IGFBP2: variants seen among roughly 807,000 people sequenced by gnomAD.
IGFBP2 encodes the protein insulin like growth factor binding protein 2, also known as insulin-like growth factor-binding protein 2.
Under a neutral mutation model 26.2 loss-of-function variants are expected in IGFBP2, and 12 were observed. That is an observed-to-expected ratio of 0.46 (90% confidence interval 0.29 to 0.74). IGFBP2 has a LOEUF of 0.74. Ranked by LOEUF, IGFBP2 falls within the 30% of genes least tolerant of loss-of-function variation. The probability of loss-of-function intolerance (pLI) is 0.09; values close to 1 mark genes in which losing one functional copy is unlikely to be tolerated. For missense variants in IGFBP2, 328 were observed against 441.2 expected (o/e 0.74, Z 2.30); for synonymous variants, 189 against 200.6 (o/e 0.94, Z 0.49).
intron 1 of IGFBP2, among the ~76,000 whole-genome samples, chr2:216,639,658 T>A (rs1185377937): frequency 6.6e-6 from 1 of 152,176 alleles, no homozygotes; most frequent in Non-Finnish European, 1.5e-5. Context: ...ATTTATTTAT[T>A]TCAAGACCGA....
intron 1 of IGFBP2, among the ~76,000 whole-genome samples, chr2:216,642,375 C>T (rs1207571428): frequency 2.0e-5 from 3 of 146,752 alleles, no homozygotes; most frequent in Non-Finnish European, 4.5e-5. Context: ...GGCGCGATCT[C>T]GGCTCACTGC....
intron 1 of IGFBP2, chr2:216,659,808 T>C (rs1238088036): frequency 1.4e-5 from 18 of 1,320,184 alleles, no homozygotes; most frequent in Non-Finnish European, 2.1e-6. Context: ...CTCAGTATAA[T>C]GGGGTTGGGG....
At chr2:216,658,813 A>G (rs754507017) in intron 1 of IGFBP2, among the ~76,000 whole-genome samples, 1 of 152,074 alleles carries the variant, frequency 6.6e-6, no homozygotes, top group Non-Finnish European at 1.5e-5. Flanking sequence ...CAGCCTCCCA[A>G]AGTGCTGGGA....
At chr2:216,660,504 C>T (rs1306199452) in intron 1 of IGFBP2, 53 bp from the exon 2 acceptor site, 16 of 1,420,506 alleles carry the variant, frequency 1.1e-5, no homozygotes, top group South Asian at 2.7e-5. Flanking sequence ...CCGGAGGGCA[C>T]GTCTCTCTGG....
chr2:216,648,014 C>T (rs1697750330), intron 1 of IGFBP2, among the ~76,000 whole-genome samples: 1 of 152,230 alleles, frequency 6.6e-6, no homozygotes, highest in Non-Finnish European at 1.5e-5. Context: ...TCTTCCTTCT[C>T]AAAAGGTTTC....
intron 1 of IGFBP2, among the ~76,000 whole-genome samples, chr2:216,648,736 G>A (rs1217673035): frequency 6.6e-6 from 1 of 152,136 alleles, no homozygotes; most frequent in Non-Finnish European, 1.5e-5. Flanking sequence ...AGCCTCCTGA[G>A]TAGCTGGGAT....
intron 1 of IGFBP2, chr2:216,659,620 C>A: frequency 1.1e-6 from 1 of 938,076 alleles, no homozygotes; most frequent in Non-Finnish European, 1.7e-6. Context: ...CAGAGTGAGA[C>A]TGTGGCAGGC....
chr2:216,649,261 T>C (rs1697772950), intron 1 of IGFBP2, among the ~76,000 whole-genome samples: 1 of 152,256 alleles, frequency 6.6e-6, no homozygotes, highest in South Asian at 2.1e-4. Flanking sequence ...AGAAATATTC[T>C]TTTTAACTGC....
intron 1 of IGFBP2, among the ~76,000 whole-genome samples, chr2:216,639,327 C>T (rs1246910515): frequency 6.6e-6 from 1 of 152,110 alleles, no homozygotes; most frequent in Non-Finnish European, 1.5e-5. Context: ...TGAGCTACCG[C>T]ACCTGGCCAC....
At chr2:216,646,689 A>G (rs1697715537) in intron 1 of IGFBP2, among the ~76,000 whole-genome samples, 1 of 152,224 alleles carries the variant, frequency 6.6e-6, no homozygotes, top group South Asian at 2.1e-4. Flanking sequence ...GTGGCAGACA[A>G]GAGAGCTTGT....
intron 1 of IGFBP2, chr2:216,659,783 C>G (rs1228160900): frequency 1.3e-6 from 2 of 1,511,102 alleles, no homozygotes; most frequent in Non-Finnish European, 1.8e-6. Flanking sequence ...AGTCATAGTT[C>G]CTGTTCTTGG....
At position 216,633,932 on chromosome 2, in the gene IGFBP2, G is replaced by T; in HGVS notation, c.409G>T (p.Ala137Ser). Residue 137 changes from alanine to serine, a missense_variant, in exon 1 of 4, where the codon GCC becomes TCC. Ala to Ser is a moderately conservative substitution (Grantham distance 99). Coordinates refer to ENST00000233809, the MANE Select transcript of IGFBP2 (RefSeq NM_000597.3). ...GGGCACTTGTGAGAAGCGCCGGGACGCCGAGTATGGCGCCAGCCCGGAGCA... is the reference window on the plus strand; with the variant it reads ...GGGCACTTGTGAGAAGCGCCGGGACTCCGAGTATGGCGCCAGCCCGGAGCA... ...GEGTCEKRRDAEYGASPEQVA... is the reference protein window; with the variant it reads ...GEGTCEKRRDSEYGASPEQVA... The T allele has an allele frequency of 1.2e-6, 2 of 1,603,082 alleles. No individual in the cohort carries two copies. Among genetic ancestry groups the T allele is most frequent in the Non-Finnish European group, 1.7e-6 (2 of 1,176,196 alleles).
At chr2:216,637,002 G>C (rs1210766147) in intron 1 of IGFBP2, among the ~76,000 whole-genome samples, 1 of 152,134 alleles carries the variant, frequency 6.6e-6, no homozygotes, top group African/African-American at 2.4e-5. Flanking sequence ...AAGGGGGGAA[G>C]AGGCAAGCAC....
chr2:216,658,282 G>A (rs530941024), intron 1 of IGFBP2, among the ~76,000 whole-genome samples: 2 of 152,150 alleles, frequency 1.3e-5, no homozygotes, highest in Non-Finnish European at 2.9e-5. Context: ...GTTGTGAACT[G>A]TCTCGAGGCT....
intron 1 of IGFBP2, among the ~76,000 whole-genome samples, chr2:216,654,244 G>C (rs929582977): frequency 2.0e-5 from 3 of 152,134 alleles, no homozygotes; most frequent in Non-Finnish European, 4.4e-5. Flanking sequence ...GAGGGGAGGA[G>C]GGGCGCTATG....
At position 216,663,668 on chromosome 2, in the gene IGFBP2, A is replaced by G. The variant is rs1409671379; in HGVS notation, c.814-272A>G. 6 of 354,622 alleles carry G rather than the reference A, an allele frequency of 1.7e-5. No individual in the cohort carries two copies. In the Admixed American group the frequency reaches 2.6e-4, roughly 15 times the overall value. 22.0% of individuals were successfully genotyped at this position (354,622 alleles called of 1,614,324 possible). On this transcript the variant is annotated intron_variant, in intron 3 of 3. Transcript: ENST00000233809. The stretch of plus-strand genomic sequence containing the variant: ...GTCTTTTCATCTTCGGGTGTCCTGA[A>G]TGGCCTTGCTAATCAGAGGGGTCCC...
rs753056290 is a variant in IGFBP2, at chr2:216,661,842, CTG to C, written c.673-14_673-13del. 15 of 1,613,906 alleles carry C rather than the reference CTG, an allele frequency of 9.3e-6. No homozygotes were observed. ...CTGTCCTCACTCCGGGCGTCCCCTG[CTG>C]TCTGTGCGTGCAGACTCCCTGCCAA... On this transcript the variant is annotated splice_polypyrimidine_tract_variant and intron_variant, in intron 2 of 3. Coordinates refer to ENST00000233809, the MANE Select transcript of IGFBP2 (RefSeq NM_000597.3).
chr2:216,637,804 A>G (rs1026236524), intron 1 of IGFBP2, among the ~76,000 whole-genome samples: 2 of 152,174 alleles, frequency 1.3e-5, no homozygotes, highest in Non-Finnish European at 2.9e-5. Context: ...AGGCTTAGAT[A>G]GTTCTCACTG....
chr2:216,655,212 A>AT (rs1253992662), intron 1 of IGFBP2, among the ~76,000 whole-genome samples: 1 of 151,786 alleles, frequency 6.6e-6, no homozygotes, highest in African/African-American at 2.4e-5. Context: ...ATGCCTGGCT[A>AT]TTTTTTTATT....
Sources: allele counts gnomAD v4.1 joint callset (sites outside exome capture counted in the v4.1 genomes callset), GRCh38; gene constraint gnomAD v4.1.1; transcripts MANE v1.5; gene names NCBI Gene and HGNC (gene_info 2026-07-23, HGNC 2026-07-21).